The following NEGR1 variants were observed in gnomAD, a reference collection of about 807,000 sequenced individuals.
NEGR1 encodes the protein neuronal growth regulator 1, also known as IgLON family member 4.
Under a neutral mutation model 40.9 loss-of-function variants are expected in NEGR1, and 10 were observed. The observed-to-expected ratio is 0.24, with a 90% CI of 0.15 to 0.42. The LOEUF is 0.42. Ranked by LOEUF, NEGR1 falls within the 10% of genes least tolerant of loss-of-function variation. The pLI is 1.00. For synonymous variants in NEGR1, 185 were observed against 166.8 expected, an observed-to-expected ratio of 1.11 and a Z score of -0.84; for missense variants, 352 against 438.9, an observed-to-expected ratio of 0.80 and a Z score of 1.77.
At chr1:71,760,785 G>A (rs1305313076) in intron 3 of NEGR1, among the ~76,000 whole-genome samples, 1 of 152,084 alleles carries the variant, frequency 6.6e-6, no homozygotes, top group Non-Finnish European at 1.5e-5. Context: ...GTGTTTGGGT[G>A]ACAGGCTGTG....
chr1:72,082,779 A>G (rs1370208491), intron 1 of NEGR1, among the ~76,000 whole-genome samples: 2 of 151,782 alleles, frequency 1.3e-5, no homozygotes, highest in Non-Finnish European at 2.9e-5. Flanking sequence ...CCTTGTTGTT[A>G]GAGTACCATA....
chr1:72,251,271 A>G (rs1232443419), intron 1 of NEGR1, among the ~76,000 whole-genome samples: 4 of 152,188 alleles, frequency 2.6e-5, no homozygotes, highest in Non-Finnish European at 2.9e-5. Context: ...GTAGTTTTAC[A>G]CTGATTTTTG....
In NEGR1 at chr1:72,247,161, T is replaced by C. The variant is rs376508880; in HGVS notation, c.176+35158A>G. ...GGGGCTGTCATTAAGGTCTCTAAAATGCCTTTGAGGCCTTTCCCCATTCTC... is the reference window on the plus strand; with the variant it reads ...GGGGCTGTCATTAAGGTCTCTAAAACGCCTTTGAGGCCTTTCCCCATTCTC... On this transcript the variant is annotated intron_variant, in intron 1 of 6. Coordinates refer to ENST00000357731, the MANE Select transcript of NEGR1 (RefSeq NM_173808.3). 2.6e-5 allele frequency among the ~76,000 whole-genome samples: 4 copies of C among 152,194 alleles called. No individual in the cohort carries two copies. The South Asian group carries it at 8.3e-4, about 31-fold the overall frequency.
chr1:71,957,455 T>C (rs1426779768), intron 1 of NEGR1, among the ~76,000 whole-genome samples: 1 of 152,152 alleles, frequency 6.6e-6, no homozygotes, highest in East Asian at 1.9e-4. Flanking sequence ...TGATATATAC[T>C]TGGTATTTTT....
intron 1 of NEGR1, among the ~76,000 whole-genome samples, chr1:72,252,338 C>A (rs186761023): frequency 6.6e-6 from 1 of 152,052 alleles, no homozygotes; most frequent in Non-Finnish European, 1.5e-5. Flanking sequence ...GCCATTGCGC[C>A]CAGCCTTCAG....
intron 1 of NEGR1, among the ~76,000 whole-genome samples, chr1:72,069,815 A>G (rs1647388702): frequency 6.6e-6 from 1 of 152,146 alleles, no homozygotes; most frequent in Admixed American, 6.6e-5. Context: ...TACCTGTGGC[A>G]CACTAATGAT....
intron 1 of NEGR1, among the ~76,000 whole-genome samples, chr1:72,273,057 G>T (rs1437856267): frequency 6.6e-6 from 1 of 151,924 alleles, no homozygotes; most frequent in Non-Finnish European, 1.5e-5. Context: ...ATATGGCTTA[G>T]AAACCACTAC....
At chr1:72,281,742 T>C (rs979056574) in intron 1 of NEGR1, among the ~76,000 whole-genome samples, 13 of 150,336 alleles carry the variant, frequency 8.6e-5, no homozygotes, top group African/African-American at 3.2e-4. Flanking sequence ...ATAGAAAAGG[T>C]ATGAAAAGAG....
At chr1:71,759,287 C>CTTTTTTTTTT (rs759687500) in intron 3 of NEGR1, among the ~76,000 whole-genome samples, 9 of 85,220 alleles carry the variant, frequency 1.1e-4, no homozygotes, top group Admixed American at 3.3e-4. Flanking sequence ...AAGATTATAA[C>CTTTTTTTTTT]TTTTTTTTTT....
At chr1:72,226,518 C>G (rs929741379) in intron 1 of NEGR1, among the ~76,000 whole-genome samples, 1 of 151,928 alleles carries the variant, frequency 6.6e-6, no homozygotes, top group African/African-American at 2.4e-5. Flanking sequence ...AATATTATAG[C>G]CTTCAATTCC....
chr1:71,438,448 A>C (rs533311776), intron 6 of NEGR1, among the ~76,000 whole-genome samples: 9 of 152,314 alleles, frequency 5.9e-5, no homozygotes, highest in African/African-American at 1.9e-4. Context: ...CATAATAATA[A>C]GCTCTCTAAA....
At chr1:72,188,968 C>T (rs979727452) in intron 1 of NEGR1, among the ~76,000 whole-genome samples, 1 of 151,400 alleles carries the variant, frequency 6.6e-6, no homozygotes, top group Admixed American at 6.6e-5. Context: ...TAAATATATG[C>T]CCATTAGGAA....
chr1:71,744,342 A>AAATAATAAT (rs3077144), intron 3 of NEGR1, among the ~76,000 whole-genome samples: 4,728 of 141,096 alleles, frequency 0.034, 111 homozygotes, highest in African/African-American at 0.059. Context: ...AGTACTCTGT[A>AAATAATAAT]AATAATAATA....
chr1:71,533,259 C>G (rs2101446549), intron 6 of NEGR1, among the ~76,000 whole-genome samples: 1 of 151,662 alleles, frequency 6.6e-6, no homozygotes, highest in East Asian at 2.0e-4. Flanking sequence ...AATATTAAAA[C>G]CTACATGTAG....
intron 1 of NEGR1, among the ~76,000 whole-genome samples, chr1:72,138,443 T>C (rs1650551484): frequency 6.6e-6 from 1 of 151,862 alleles, no homozygotes; most frequent in Non-Finnish European, 1.5e-5. Flanking sequence ...CAAATTTGAT[T>C]TGAAAAGCAA....
intron 6 of NEGR1, among the ~76,000 whole-genome samples, chr1:71,540,026 T>C (rs1258957095): frequency 1.3e-5 from 2 of 151,818 alleles, no homozygotes; most frequent in Non-Finnish European, 2.9e-5. Flanking sequence ...GGTATGTTTC[T>C]ATCTACTTCA....
At chr1:72,159,330 G>A (rs958762911) in intron 1 of NEGR1, among the ~76,000 whole-genome samples, 1 of 152,014 alleles carries the variant, frequency 6.6e-6, no homozygotes, top group African/African-American at 2.4e-5. Context: ...GCCAAACCAC[G>A]TAAGTCTTGG....
At chr1:71,862,240 G>A (rs1659971755) in intron 2 of NEGR1, among the ~76,000 whole-genome samples, 1 of 151,962 alleles carries the variant, frequency 6.6e-6, no homozygotes, top group Admixed American at 6.6e-5. Flanking sequence ...AAGAAATTAA[G>A]GACATAACTA....
chr1:72,072,261 T>C (rs1647497634), intron 1 of NEGR1, among the ~76,000 whole-genome samples: 1 of 152,180 alleles, frequency 6.6e-6, no homozygotes, highest in South Asian at 2.1e-4. Flanking sequence ...GTAAGGAGAC[T>C]ACATTATTCA....
Sources: allele counts gnomAD v4.1 joint callset (sites outside exome capture counted in the v4.1 genomes callset), GRCh38; gene constraint gnomAD v4.1.1; transcripts MANE v1.5; gene names NCBI Gene and HGNC (gene_info 2026-07-23, HGNC 2026-07-21).